PARP8: variants seen among roughly 807,000 people sequenced by gnomAD.
The protein encoded by PARP8 is poly(ADP-ribose) polymerase family member 8, also known as protein mono-ADP-ribosyltransferase PARP8.
A neutral mutation model predicts 124.1 loss-of-function variants in PARP8; 51 were observed. That is an observed-to-expected ratio of 0.41 (90% CI 0.33 to 0.52). The LOEUF (loss-of-function observed/expected upper bound fraction) is 0.52, where lower values mean the gene tolerates loss of function less well. Ranked by LOEUF, PARP8 falls within the 20% of genes least tolerant of loss-of-function variation. The pLI is 0.21. For synonymous variants in PARP8, 391 were observed against 361.5 expected (o/e 1.08, Z -0.93); for missense variants, 860 against 1,018.9 (o/e 0.84, Z 2.12).
At chr5:50,759,620 A>ACC in intron 3 of PARP8, 23 bp from the exon 4 acceptor site, 1 of 1,111,322 alleles carries the variant, frequency 9.0e-7, no homozygotes, top group Non-Finnish European at 1.2e-6. Flanking sequence ...GCCTTTCATT[A>ACC]TCTTTTTTTT....
In PARP8 at chr5:50,751,322, TA is replaced by T. The variant is rs201080410; in HGVS notation, c.184+1141del. On this transcript the variant is annotated intron_variant, in intron 3 of 25. Coordinates refer to ENST00000281631, the MANE Select transcript of PARP8 (RefSeq NM_024615.4). ...TGCCAATATACAAACATTGAAATTC[TA>T]AAAAAAGTATTGATTATCATTTGTG... Among the ~76,000 whole-genome samples, 23 of 152,246 alleles carry T rather than the reference TA, an allele frequency of 1.5e-4. No individual in the cohort carries two copies. The East Asian group carries it at 2.3e-3, about 15-fold the overall frequency.
chr5:50,791,265 G>GT (rs1400232972), intron 10 of PARP8, among the ~76,000 whole-genome samples: 2 of 152,150 alleles, frequency 1.3e-5, no homozygotes, highest in African/African-American at 4.8e-5. Flanking sequence ...TATTCTAAGT[G>GT]TTTAACATAT....
At chr5:50,731,857 C>T (rs1003986456) in intron 2 of PARP8, among the ~76,000 whole-genome samples, 2 of 152,102 alleles carry the variant, frequency 1.3e-5, no homozygotes, top group African/African-American at 4.8e-5. Context: ...ACATATTTAG[C>T]GGTAAACCTA....
intron 12 of PARP8, among the ~76,000 whole-genome samples, chr5:50,796,722 A>G (rs1742594735): frequency 6.6e-6 from 1 of 152,228 alleles, no homozygotes; most frequent in East Asian, 1.9e-4. Context: ...TAAAGATGCC[A>G]GTAATTTTTG....
At chr5:50,696,937 G>T (rs1314149663) in intron 2 of PARP8, among the ~76,000 whole-genome samples, 1 of 152,044 alleles carries the variant, frequency 6.6e-6, no homozygotes, top group Admixed American at 6.6e-5. Flanking sequence ...ATGGTAGTGA[G>T]ACCCAACAAC....
intron 3 of PARP8, chr5:50,757,215 G>C: frequency 2.2e-6 from 1 of 454,246 alleles, no homozygotes; most frequent in Non-Finnish European, 4.4e-6. Context: ...TGCTGAAATG[G>C]GTAAAGTAGA....
chr5:50,727,540 C>A (rs10737958), intron 2 of PARP8, among the ~76,000 whole-genome samples: 77,686 of 151,888 alleles, frequency 0.51, 22,567 homozygotes, highest in East Asian at 0.64. Context: ...GGCTTGTAGG[C>A]TTGTTTTTAG....
chr5:50,805,796 T>A (rs913102795), intron 14 of PARP8, among the ~76,000 whole-genome samples: 9 of 152,110 alleles, frequency 5.9e-5, no homozygotes, highest in African/African-American at 2.2e-4. Context: ...ACTATTTTTT[T>A]GCCAGTCAAC....
intron 2 of PARP8, among the ~76,000 whole-genome samples, chr5:50,705,399 T>C (rs2149481106): frequency 6.6e-6 from 1 of 152,276 alleles, no homozygotes; most frequent in East Asian, 1.9e-4. Context: ...AATAATAGTG[T>C]CTATATTATA....
At chr5:50,841,418 C>A (rs1748162272) in intron 25 of PARP8, among the ~76,000 whole-genome samples, 1 of 151,582 alleles carries the variant, frequency 6.6e-6, no homozygotes, top group African/African-American at 2.4e-5. Flanking sequence ...TTATGAACTG[C>A]CAGAATAAAT....
intron 23 of PARP8, among the ~76,000 whole-genome samples, chr5:50,833,685 G>A (rs1397889352): frequency 6.6e-6 from 1 of 152,050 alleles, no homozygotes; most frequent in Non-Finnish European, 1.5e-5. Context: ...GAAATAAAGA[G>A]GCCAAGCTTT....
intron 2 of PARP8, among the ~76,000 whole-genome samples, chr5:50,712,371 T>G (rs1402704097): frequency 1.3e-5 from 2 of 152,136 alleles, no homozygotes; most frequent in Non-Finnish European, 2.9e-5. Context: ...AATGAATTGG[T>G]CATGTTTTTC....
intron 14 of PARP8, among the ~76,000 whole-genome samples, chr5:50,801,556 C>G (rs1743233233): frequency 1.3e-5 from 2 of 152,168 alleles, no homozygotes; most frequent in South Asian, 4.1e-4. Context: ...CTCTTTGTTT[C>G]ATTCCTGATG....
At position 50,795,241 on chromosome 5, in the gene PARP8, G is replaced by A. The variant is rs1742405069; in HGVS notation, c.1252G>A (p.Glu418Lys). The change falls in exon 12 of 26, where the codon GAA (glutamate) becomes AAA (lysine). Residue 418 changes from glutamate (E) to lysine (K), a missense_variant. Physicochemically the swap from Glu to Lys is moderately conservative, Grantham distance 56. Coordinates refer to ENST00000281631, the MANE Select transcript of PARP8 (RefSeq NM_024615.4). ...SRSYSSNLRM[E>K]ELYGLKNHKL... ...GTCTTACTCTAGTAATCTCAGAATG[G>A]AAGAATTATATGGACTGAAAAATCA... 1 of 1,614,030 alleles carries A rather than the reference G, an allele frequency of 6.2e-7. No individual in the cohort carries two copies. The highest frequency in any genetic ancestry group is 1.3e-5 in the African/African-American group (1 of 74,904).
intron 19 of PARP8, 97 bp downstream of exon 19, chr5:50,826,900 C>G: frequency 1.3e-6 from 2 of 1,482,402 alleles, no homozygotes; most frequent in Non-Finnish European, 1.8e-6. Flanking sequence ...CCAGACTCTC[C>G]AAGAATTGAA....
chr5:50,738,846 A>T (rs957327987), intron 2 of PARP8: 20 of 602,044 alleles, frequency 3.3e-5, no homozygotes, highest in Non-Finnish European at 3.0e-6. Flanking sequence ...AGCTTGGCTT[A>T]AACAGTAAAA....
In PARP8 at chr5:50,745,983, A is replaced by G. The variant is rs375059397; in HGVS notation, c.147-4168A>G. On this transcript the variant is annotated intron_variant, in intron 2 of 25. Coordinates refer to ENST00000281631, the MANE Select transcript of PARP8 (RefSeq NM_024615.4). ...GGGCCATGATTTCCAAAGCTGCTCT[A>G]TTGGCTGAGGTCCAACATCTGCCAT... Among the ~76,000 whole-genome samples the G allele has an allele frequency of 7.9e-5, 12 of 152,280 alleles. No homozygotes were observed. In the East Asian group the frequency reaches 9.7e-4, roughly 12 times the overall value.
chr5:50,726,581 G>A (rs1003092025), intron 2 of PARP8, among the ~76,000 whole-genome samples: 1 of 152,158 alleles, frequency 6.6e-6, no homozygotes, highest in Non-Finnish European at 1.5e-5. Flanking sequence ...ATTTAACAAA[G>A]TTGTCTTGAG....
intron 3 of PARP8, among the ~76,000 whole-genome samples, chr5:50,751,605 C>T (rs1401434615): frequency 6.6e-6 from 1 of 152,058 alleles, no homozygotes; most frequent in Non-Finnish European, 1.5e-5. Context: ...CAAGTATTTG[C>T]ACATACATAA....
Sources: allele counts gnomAD v4.1 joint callset (sites outside exome capture counted in the v4.1 genomes callset), GRCh38; gene constraint gnomAD v4.1.1; transcripts MANE v1.5; gene names NCBI Gene and HGNC (gene_info 2026-07-23, HGNC 2026-07-21).